The following AKIP1 variants were observed in gnomAD, a reference collection of about 807,000 sequenced individuals.
AKIP1 encodes the protein A-kinase-interacting protein 1.
A neutral mutation model predicts 22.3 loss-of-function variants in AKIP1; 18 were observed. The ratio of observed to expected loss-of-function variants is 0.81; its 90% confidence interval spans 0.56 to 1.19. The LOEUF is 1.19. AKIP1 is among the 50% of genes most tolerant of loss of function. The pLI, the probability that AKIP1 is intolerant of heterozygous loss-of-function variation, is 0.00. For synonymous variants in AKIP1, 120 were observed against 102.7 expected (o/e 1.17, Z -1.02); for missense variants, 287 against 264.6 (o/e 1.08, Z -0.59).
At chr11:8,912,634 C>T in intron 3 of AKIP1, 101 bp downstream of exon 3, 1 of 1,051,794 alleles carries the variant, frequency 9.5e-7, no homozygotes, top group Non-Finnish European at 1.5e-6. Flanking sequence ...CCTGTTTCTC[C>T]TGCCCAGCCT....
At chr11:8,913,114 C>T (rs2064424498) in intron 3 of AKIP1, among the ~76,000 whole-genome samples, 1 of 150,360 alleles carries the variant, frequency 6.7e-6, no homozygotes, top group Admixed American at 6.6e-5. Flanking sequence ...CTCCTGACCT[C>T]GTGATCCGCC....
intron 5 of AKIP1, chr11:8,918,225 A>T (rs1281190369): frequency 6.6e-6 from 1 of 152,224 alleles, no homozygotes. Context: ...CATATTTTCT[A>T]AAAGTGACTT....
In AKIP1 at chr11:8,914,326, G is replaced by A. The variant is rs539087009; in HGVS notation, c.304-500G>A. 1.2e-4 allele frequency among the ~76,000 whole-genome samples: 18 copies of A among 152,324 alleles called. No individual in the cohort carries two copies. The East Asian group carries it at 2.5e-3, about 21-fold the overall frequency. On this transcript the variant is annotated intron_variant, in intron 3 of 5. Coordinates refer to ENST00000309377, the MANE Select transcript of AKIP1 (RefSeq NM_020642.4). The stretch of plus-strand genomic sequence containing the variant: ...GAGACTTCTCCCTCCACTCCCCCAC[G>A]CGCAGGAAGCACAGAGAAAAGGGCT...
At chr11:8,915,706 G>A (rs2064473594) in intron 4 of AKIP1, among the ~76,000 whole-genome samples, 1 of 149,068 alleles carries the variant, frequency 6.7e-6, no homozygotes, top group South Asian at 2.1e-4. Context: ...TGGTGCGATC[G>A]CGGCTCACTG....
intron 5 of AKIP1, chr11:8,917,709 G>C: frequency 7.4e-6 from 3 of 407,488 alleles, no homozygotes; most frequent in Non-Finnish European, 1.3e-5. Flanking sequence ...GGAGGGGCAC[G>C]ATCCTCCTGC....
At chr11:8,918,438 G>A (rs935012749) in intron 5 of AKIP1, among the ~76,000 whole-genome samples, 1 of 152,160 alleles carries the variant, frequency 6.6e-6, no homozygotes, top group Admixed American at 6.5e-5. Context: ...ATGTAAACAT[G>A]ATCATTTATT....
At chr11:8,912,789 G>A (rs1031710502) in intron 3 of AKIP1, among the ~76,000 whole-genome samples, 24 of 150,744 alleles carry the variant, frequency 1.6e-4, no homozygotes, top group African/African-American at 5.6e-4. Context: ...TGCCCTCAGT[G>A]ATCTTTCAGT....
intron 3 of AKIP1, among the ~76,000 whole-genome samples, chr11:8,912,795 T>G (rs564354136): frequency 5.9e-5 from 9 of 152,110 alleles, no homozygotes; most frequent in African/African-American, 2.2e-4. Flanking sequence ...CAGTGATCTT[T>G]CAGTCTAGTG....
intron 3 of AKIP1, among the ~76,000 whole-genome samples, chr11:8,913,432 C>T (rs534791613): frequency 3.3e-5 from 5 of 152,144 alleles, no homozygotes; most frequent in East Asian, 1.9e-4. Context: ...GAGGGATCCG[C>T]GCATCTTGGC....
chr11:8,914,113 C>A (rs570865563), intron 3 of AKIP1, among the ~76,000 whole-genome samples: 2 of 152,296 alleles, frequency 1.3e-5, no homozygotes, highest in East Asian at 3.9e-4. Flanking sequence ...AAGTGCTTTC[C>A]CCAGCTTCTC....
chr11:8,915,398 C>G (rs2064468096), intron 4 of AKIP1, among the ~76,000 whole-genome samples: 1 of 106,406 alleles, frequency 9.4e-6, no homozygotes, highest in African/African-American at 3.7e-5. Context: ...GGGTCTTACT[C>G]TGTCACCCAG....
chr11:8,912,198 CAAAAAAAA>C (rs57540447), intron 2 of AKIP1, among the ~76,000 whole-genome samples: 1 of 79,642 alleles, frequency 1.3e-5, no homozygotes, highest in African/African-American at 4.3e-5. Flanking sequence ...ACCTCCGTCT[CAAAAAAAA>C]AAAAAAAAAA....
Position 8,914,934 on chromosome 11 carries a change from A to G in AKIP1, c.408+4A>G, listed in dbSNP as rs372286619. 37 of 1,609,250 alleles carry G rather than the reference A, an allele frequency of 2.3e-5. No homozygotes were observed. The African/African-American group carries it at 4.9e-4, about 21-fold the overall frequency. On this transcript the variant is annotated splice_donor_region_variant and intron_variant, in intron 4 of 5. Transcript: ENST00000309377. The stretch of plus-strand genomic sequence containing the variant: ...CTTGGACATAGGGAATGGTCAGGTA[A>G]GTGTACTCAACTGTCCTGCACCATG...
rs969046161 is a variant in AKIP1 at position 8,915,812 on chromosome 11, TTTC to T, written c.408+885_408+887del. Among the ~76,000 whole-genome samples, 14 of 138,076 alleles carry T rather than the reference TTTC, an allele frequency of 1.0e-4. No homozygotes were observed. In the South Asian group the frequency reaches 1.9e-3, roughly 19 times the overall value. 90.6% of individuals were successfully genotyped at this position (138,076 alleles called of 152,430 possible). A position where few individuals can be genotyped will look rare whatever the true frequency, so the allele number is the denominator to read the frequency against. ...CACCAGCCCAGCTAATTTTTGTATT[TTTC>T]TTTCTTTTTTTTTTTTTTTTTTTGT... On this transcript the variant is annotated intron_variant, in intron 4 of 5. Transcript: ENST00000309377.
Position 8,919,401 on chromosome 11 carries a change from G to A in AKIP1, c.554G>A (p.Gly185Asp), listed in dbSNP as rs991481708. The A allele has an allele frequency of 6.2e-7, 1 of 1,613,962 alleles. No homozygotes were observed. Among genetic ancestry groups the A allele is most frequent in the Non-Finnish European group, 8.5e-7 (1 of 1,179,962 alleles). The change falls in exon 6 of 6, where the codon GGC becomes GAC. Residue 185 changes from glycine (G) to aspartate (D), a missense_variant. By Grantham distance (94) the Gly-to-Asp change is moderately conservative (BLOSUM62 -1). Transcript: ENST00000309377. ...VYPGTYSVTV[G>D]SNDLTKKTHV... is the part of the protein sequence containing the mutation. Reference sequence around the variant, plus strand: ...CCAGGGACCTATTCTGTCACTGTGGGCTCAAATGACTTAACCAAGAAGACT... The same window carrying A: ...CCAGGGACCTATTCTGTCACTGTGGACTCAAATGACTTAACCAAGAAGACT...
intron 2 of AKIP1, among the ~76,000 whole-genome samples, chr11:8,912,035 T>G (rs1390905104): frequency 6.6e-6 from 1 of 150,564 alleles, no homozygotes; most frequent in Non-Finnish European, 1.5e-5. Flanking sequence ...CCGTCTCTAC[T>G]AAAAATACAA....
At position 8,919,705 on chromosome 11, in the gene AKIP1, C is replaced by T. The variant is rs1001874920; in HGVS notation, c.*225C>T. On this transcript the variant is annotated 3_prime_UTR_variant, in exon 6 of 6. Coordinates refer to ENST00000309377, the MANE Select transcript of AKIP1 (RefSeq NM_020642.4). ...AGGCTGGAGTGCAGTGGCGTGATCT[C>T]GGCTCACTGCAAGTTCCGCCTCCCG... The T allele has an allele frequency of 2.8e-5, 12 of 430,790 alleles. No homozygotes were observed. The highest frequency in any genetic ancestry group is 1.4e-4 in the South Asian group (4 of 29,122). The allele number at this position is 430,790 out of a possible 1,614,324, so 26.7% of individuals were successfully genotyped here. A position where few individuals can be genotyped will look rare whatever the true frequency, so the allele number is the denominator to read the frequency against.
intron 4 of AKIP1, among the ~76,000 whole-genome samples, chr11:8,916,742 G>A (rs1192031154): frequency 1.3e-5 from 2 of 152,132 alleles, no homozygotes; most frequent in African/African-American, 4.8e-5. Context: ...CCCCTTTTCT[G>A]GCCTAGCCTG....
chr11:8,915,668 T>C (rs1299088968), intron 4 of AKIP1, among the ~76,000 whole-genome samples: 1 of 151,092 alleles, frequency 6.6e-6, no homozygotes, highest in Non-Finnish European at 1.5e-5. Context: ...AGAGGGAGTC[T>C]CACTCTGTCA....
Sources: allele counts gnomAD v4.1 joint callset (sites outside exome capture counted in the v4.1 genomes callset), GRCh38; gene constraint gnomAD v4.1.1; transcripts MANE v1.5; gene names NCBI Gene and HGNC (gene_info 2026-07-23, HGNC 2026-07-21).